IFT122: variants seen among roughly 807,000 people sequenced by gnomAD.
IFT122 encodes the protein intraflagellar transport protein 122 homolog.
Under a neutral mutation model 161.6 loss-of-function variants are expected in IFT122, and 118 were observed. The ratio of observed to expected loss-of-function variants is 0.73; its 90% confidence interval spans 0.63 to 0.85. IFT122 has a LOEUF of 0.85. IFT122 is among the 40% of genes least tolerant of loss of function. The pLI is 0.00. For synonymous variants in IFT122, 550 were observed against 602.4 expected (o/e 0.91, Z 1.27); for missense variants, 1,381 against 1,579.6 (o/e 0.87, Z 2.13).
intron 1 of IFT122, among the ~76,000 whole-genome samples, chr3:129,445,794 G>A (rs2073921921): frequency 2.0e-5 from 3 of 152,308 alleles, no homozygotes; most frequent in African/African-American, 7.2e-5. Context: ...CAGAATTATT[G>A]TGGAGATGAA....
At chr3:129,450,759 C>T (rs1248719602) in intron 2 of IFT122, among the ~76,000 whole-genome samples, 6 of 128,818 alleles carry the variant, frequency 4.7e-5, no homozygotes, top group East Asian at 2.3e-4. Context: ...CTGGCTCTGT[C>T]GCCCAGGCTG....
rs374313959 is a variant in IFT122, at chr3:129,483,648, A to G, written c.1817A>G (p.His606Arg). The change falls in exon 15 of 30, where the codon CAT becomes CGT. Residue 606 changes from histidine to arginine, a missense_variant. Coordinates refer to ENST00000348417, the MANE Select transcript of IFT122 (RefSeq NM_052989.3). ...AATGGCTCCAAGATCTTCTGCCTCC[A>G]TGTCTTCTCCATTTCTGCCGTGGAG... is the stretch of plus-strand genomic sequence containing the variant. Reference protein sequence around the residue: ...GYNGSKIFCLHVFSISAVEVP... With the variant: ...GYNGSKIFCLRVFSISAVEVP... The G allele has an allele frequency of 1.9e-6, 3 of 1,610,116 alleles. No homozygotes were observed. The highest frequency in any genetic ancestry group is 2.7e-5 in the African/African-American group (2 of 74,806).
chr3:129,501,423 G>A (rs2081533761), intron 19 of IFT122, among the ~76,000 whole-genome samples: 1 of 152,072 alleles, frequency 6.6e-6, no homozygotes, highest in Non-Finnish European at 1.5e-5. Context: ...TTGGTGTGTG[G>A]GCCCCTCACA....
At chr3:129,514,236 T>G in intron 24 of IFT122, 153 bp from the exon 25 acceptor site, 1 of 821,244 alleles carries the variant, frequency 1.2e-6, no homozygotes, top group South Asian at 1.4e-5. Flanking sequence ...CACTCACCTC[T>G]CACAAGCGCA....
intron 12 of IFT122, among the ~76,000 whole-genome samples, chr3:129,479,196 A>G (rs576584569): frequency 3.4e-5 from 5 of 146,360 alleles, no homozygotes; most frequent in African/African-American, 1.2e-4. Context: ...CCAAGGCAGG[A>G]TGATTGCTTG....
At position 129,471,407 on chromosome 3, in the gene IFT122, A is replaced by C. The variant is rs2077358201; in HGVS notation, c.816+1990A>C. ...CTGGCCCTCTCTATTCATCTGCTTA[A>C]TGTGTGTACATCATCATTCAACAGA... On this transcript the variant is annotated intron_variant, in intron 9 of 29. Transcript: ENST00000348417. 1.3e-5 allele frequency among the ~76,000 whole-genome samples: 2 copies of C among 152,204 alleles called. 1 individual carries two copies. Among genetic ancestry groups the C allele is most frequent in the South Asian group, 4.1e-4 (2 of 4,828 alleles).
chr3:129,517,375 G>C, intron 26 of IFT122, 94 bp from the exon 27 acceptor site: 8 of 1,546,638 alleles, frequency 5.2e-6, no homozygotes, highest in Non-Finnish European at 7.1e-6. Flanking sequence ...GCTGCCAGTG[G>C]GTTGAGAAGC....
intron 28 of IFT122, 68 bp downstream of exon 28, chr3:129,519,254 C>A (rs1022828327): frequency 7.2e-7 from 1 of 1,390,786 alleles, no homozygotes; most frequent in Non-Finnish European, 1.0e-6. Flanking sequence ...CACATGGGGA[C>A]CCTCAGCTAG....
intron 4 of IFT122, chr3:129,459,399 C>T (rs2075917713): frequency 2.5e-6 from 1 of 400,136 alleles, no homozygotes; most frequent in Non-Finnish European, 4.9e-6. Flanking sequence ...ACGCCATTCT[C>T]CTGCCTCAGC....
intron 1 of IFT122, among the ~76,000 whole-genome samples, chr3:129,441,466 A>G (rs781204826): frequency 2.6e-5 from 4 of 152,158 alleles, no homozygotes; most frequent in East Asian, 1.9e-4. Context: ...GGTAGGTACT[A>G]TAATTTCCTC....
chr3:129,445,562 T>C (rs1242271302), intron 1 of IFT122, among the ~76,000 whole-genome samples: 2 of 152,234 alleles, frequency 1.3e-5, no homozygotes, highest in East Asian at 1.9e-4. Flanking sequence ...TGTTAGTCAC[T>C]GTTATTAAAG....
At position 129,461,201 on chromosome 3, in the gene IFT122, A is replaced by G. The variant is rs376501284; in HGVS notation, c.273-27A>G. On this transcript the variant is annotated intron_variant, in intron 4 of 29. Transcript: ENST00000348417. ...CTGAAATCTTTGTGGTTTGCTGCAT[A>G]GTAATCTACAGTTGTTTACTTCCCA... 18 of 1,559,622 alleles carry G rather than the reference A, an allele frequency of 1.2e-5. No homozygotes were observed. In the African/African-American group the frequency reaches 2.3e-4, roughly 20 times the overall value.
intron 5 of IFT122, 117 bp downstream of exon 5, chr3:129,461,421 C>T: frequency 1.3e-6 from 1 of 780,846 alleles, no homozygotes; most frequent in Non-Finnish European, 2.3e-6. Context: ...TACTTCTCTA[C>T]CTTCAATGGC....
chr3:129,455,607 T>C (rs2075383780), intron 3 of IFT122, among the ~76,000 whole-genome samples: 1 of 151,994 alleles, frequency 6.6e-6, no homozygotes, highest in African/African-American at 2.4e-5. Flanking sequence ...CCAGGCCCAG[T>C]TCTAAGCAAC....
chr3:129,516,941 G>GCA (rs1184788989), intron 26 of IFT122, among the ~76,000 whole-genome samples: 1 of 98,916 alleles, frequency 1.0e-5, no homozygotes, highest in African/African-American at 4.0e-5. Context: ...GACTGCCCCT[G>GCA]CACACACACA....
chr3:129,514,678 C>T (rs2083260331), intron 25 of IFT122, 124 bp downstream of exon 25: 8 of 1,143,458 alleles, frequency 7.0e-6, no homozygotes, highest in South Asian at 1.3e-5. Flanking sequence ...GCTCTGTGCC[C>T]CCTGCTCAAG....
intron 9 of IFT122, among the ~76,000 whole-genome samples, chr3:129,474,646 G>T (rs371871881): frequency 7.2e-5 from 11 of 152,186 alleles, no homozygotes; most frequent in African/African-American, 2.4e-4. Flanking sequence ...GCACCTGTGA[G>T]GATGTGGAGG....
At chr3:129,481,211 G>C (rs896230167) in intron 13 of IFT122, among the ~76,000 whole-genome samples, 1 of 152,072 alleles carries the variant, frequency 6.6e-6, no homozygotes, top group Non-Finnish European at 1.5e-5. Context: ...TCTCTGCTAG[G>C]TGGCATCTCC....
intron 14 of IFT122, 111 bp from the exon 15 acceptor site, chr3:129,483,374 G>C: frequency 1.1e-6 from 1 of 915,586 alleles, no homozygotes. Flanking sequence ...CCATCCCACT[G>C]TAAGCAATTT....
Sources: allele counts gnomAD v4.1 joint callset (sites outside exome capture counted in the v4.1 genomes callset), GRCh38; gene constraint gnomAD v4.1.1; transcripts MANE v1.5; gene names NCBI Gene and HGNC (gene_info 2026-07-23, HGNC 2026-07-21).